Variants in NUMBL observed in about 807,000 individuals in gnomAD.
NUMBL encodes the protein NUMB like endocytic adaptor protein.
A neutral mutation model predicts 48.9 loss-of-function variants in NUMBL; 20 were observed. The ratio of observed to expected loss-of-function variants is 0.41; its 90% confidence interval spans 0.29 to 0.59. The LOEUF (loss-of-function observed/expected upper bound fraction) is 0.59. NUMBL is among the 20% of genes least tolerant of loss of function. The probability of loss-of-function intolerance (pLI) is 0.31; values close to 1 mark genes in which losing one functional copy is unlikely to be tolerated. For missense variants in NUMBL, 660 were observed against 846.2 expected, an observed-to-expected ratio of 0.78 and a Z score of 2.73; for synonymous variants, 340 against 348.7, an observed-to-expected ratio of 0.98 and a Z score of 0.28.
intron 3 of NUMBL, among the ~76,000 whole-genome samples, chr19:40,683,339 G>T (rs1247649539): frequency 6.6e-6 from 1 of 152,252 alleles, no homozygotes; most frequent in African/African-American, 2.4e-5. Context: ...TCCCCACAAT[G>T]ACTGAAGGGA....
Position 40,668,054 on chromosome 19 carries a change from C to A in NUMBL, c.1244G>T (p.Arg415Leu). The A allele has an allele frequency of 6.3e-7, 1 of 1,589,438 alleles. No homozygotes were observed. Among genetic ancestry groups the A allele is most frequent in the Non-Finnish European group, 8.6e-7 (1 of 1,168,568 alleles). ...GHKRTPSEAE[R>L]WLEEVSQVAK... ...CACCTGTGACACCTCCTCCAGCCATCGCTCAGCCTCTGAAGGTGTCCGCTT... is the reference window on the plus strand; with the variant it reads ...CACCTGTGACACCTCCTCCAGCCATAGCTCAGCCTCTGAAGGTGTCCGCTT... Residue 415 changes from arginine (R) to leucine (L), a missense_variant, in exon 10 of 10, where the codon CGA (arginine) becomes CTA (leucine). Transcript: ENST00000252891.
chr19:40,677,862 T>G (rs2081885839), intron 6 of NUMBL, among the ~76,000 whole-genome samples: 1 of 152,036 alleles, frequency 6.6e-6, no homozygotes, highest in African/African-American at 2.4e-5. Flanking sequence ...AAAGTCAGAA[T>G]AGTGGTAGTT....
intron 8 of NUMBL, 37 bp from the exon 9 acceptor site, chr19:40,670,057 C>T: frequency 1.2e-6 from 2 of 1,602,730 alleles, no homozygotes; most frequent in South Asian, 1.1e-5. Flanking sequence ...AGCAAACAGG[C>T]CCAGACCCTG....
intron 2 of NUMBL, 73 bp from the exon 3 acceptor site, chr19:40,684,629 G>A: frequency 1.3e-6 from 2 of 1,514,462 alleles, no homozygotes; most frequent in Non-Finnish European, 1.8e-6. Flanking sequence ...GGAGGGACCA[G>A]TGCTCAGGGA....
intron 7 of NUMBL, among the ~76,000 whole-genome samples, chr19:40,676,198 C>G (rs2081875225): frequency 6.6e-6 from 1 of 152,126 alleles, no homozygotes; most frequent in Non-Finnish European, 1.5e-5. Context: ...TGAGACCAGC[C>G]TGGGAAACAC....
At chr19:40,689,324 C>G (rs1024256738) in intron 1 of NUMBL, among the ~76,000 whole-genome samples, 2 of 152,098 alleles carry the variant, frequency 1.3e-5, no homozygotes, top group African/African-American at 4.8e-5. Flanking sequence ...CTAAAAAGTA[C>G]AGGATTCTGC....
At chr19:40,675,022 G>T (rs1441467978) in intron 7 of NUMBL, among the ~76,000 whole-genome samples, 2 of 151,502 alleles carry the variant, frequency 1.3e-5, no homozygotes, top group Non-Finnish European at 2.9e-5. Context: ...ACACGCCTGG[G>T]ATTCCAGCTA....
chr19:40,667,305 C>T lies in NUMBL; in HGVS notation c.*163G>A. On this transcript the variant is annotated 3_prime_UTR_variant, in exon 10 of 10. Coordinates refer to ENST00000252891, the MANE Select transcript of NUMBL (RefSeq NM_004756.5). The surrounding 1 kb of genome is among the most constrained non-coding windows in gnomAD (Gnocchi z 6.1). Reference sequence around the variant, plus strand: ...TTCCATCCTGTTGCAACCTGGGCGTCACAATGTTGGTTCTGTAGTGGTTGT... The same window carrying T: ...TTCCATCCTGTTGCAACCTGGGCGTTACAATGTTGGTTCTGTAGTGGTTGT... 1 of 1,034,302 alleles carries T rather than the reference C, an allele frequency of 9.7e-7. No individual in the cohort carries two copies. Among genetic ancestry groups the T allele is most frequent in the South Asian group, 1.7e-5 (1 of 59,414 alleles). 64.1% of individuals were successfully genotyped at this position (1,034,302 alleles called of 1,614,324 possible).
chr19:40,675,080 T>G (rs983225596), intron 7 of NUMBL, among the ~76,000 whole-genome samples: 1 of 137,618 alleles, frequency 7.3e-6, no homozygotes, highest in Non-Finnish European at 1.5e-5. Context: ...GAGGCAGAGG[T>G]TGCAGTGAGC....
intron 7 of NUMBL, among the ~76,000 whole-genome samples, chr19:40,676,727 T>TCGAAAAGCCC (rs1443532438): frequency 4.0e-5 from 6 of 150,460 alleles, no homozygotes; most frequent in African/African-American, 1.5e-4. Context: ...AAGAAAAGCC[T>TCGAAAAGCCC]CGAAAAGCCC....
rs2081908876 is a variant in NUMBL, at chr19:40,682,271, T to A, written c.399+457A>T. ...CCTCCCAAGTAGCTAGGATTACAGG[T>A]ACACACCACCATGTCCAGCTAATTT... On this transcript the variant is annotated intron_variant, in intron 5 of 9. Coordinates refer to ENST00000252891, the MANE Select transcript of NUMBL (RefSeq NM_004756.5). The surrounding 1 kb of genome is among the most constrained non-coding windows in gnomAD (Gnocchi z 4.0). Among the ~76,000 whole-genome samples the A allele has an allele frequency of 6.6e-6, 1 of 151,984 alleles. No individual in the cohort carries two copies. The highest frequency in any genetic ancestry group is 2.4e-5 in the African/African-American group (1 of 41,376).
At chr19:40,679,789 G>C (rs1403371149) in intron 6 of NUMBL, among the ~76,000 whole-genome samples, 1 of 152,130 alleles carries the variant, frequency 6.6e-6, no homozygotes, top group East Asian at 1.9e-4. Context: ...AGACAAAGCA[G>C]ATTAGTGGTT....
intron 2 of NUMBL, chr19:40,684,868 A>G (rs947088919): frequency 2.1e-5 from 7 of 334,232 alleles, no homozygotes; most frequent in Non-Finnish European, 1.7e-5. Context: ...CTTCTTGTCC[A>G]TGTGGTGGAT....
chr19:40,681,158 TG>T (rs1014886056), intron 5 of NUMBL, 101 bp from the exon 6 acceptor site: 1 of 1,336,670 alleles, frequency 7.5e-7, no homozygotes, highest in Non-Finnish European at 1.1e-6. Context: ...CTGAACAGGG[TG>T]GGGACCCAGC....
In NUMBL at chr19:40,673,993, G is replaced by C. The variant is rs879389008; in HGVS notation, c.731-344C>G. ...AACACTGATTTGGTGCTGGAACAAC[G>C]TATCAGGCATTGTTCCAGATGCTTT... On this transcript the variant is annotated intron_variant, in intron 7 of 9. Coordinates refer to ENST00000252891, the MANE Select transcript of NUMBL (RefSeq NM_004756.5). The surrounding 1 kb of genome is among the most constrained non-coding windows in gnomAD (Gnocchi z 5.9). Among the ~76,000 whole-genome samples, 2 of 152,082 alleles carry C rather than the reference G, an allele frequency of 1.3e-5. No homozygotes were observed. Among genetic ancestry groups the C allele is most frequent in the East Asian group, 3.9e-4 (2 of 5,182 alleles).
chr19:40,684,372 G>A (rs1346323639), intron 3 of NUMBL, 45 bp downstream of exon 3: 1 of 1,526,634 alleles, frequency 6.6e-7, no homozygotes, highest in Non-Finnish European at 8.8e-7. Context: ...CAGCACAGCG[G>A]CCCCCGTCCC....
rs569938209 is a variant in NUMBL, at chr19:40,686,776, G to A, written c.109+135C>T. ...GTGCATGAGTGGGGCTCTGACAGTC[G>A]CTGAGGAAGATGCCTGAGGGTGTCC... On this transcript the variant is annotated intron_variant, in intron 2 of 9. Transcript: ENST00000252891. 350 of 639,458 alleles carry A rather than the reference G, an allele frequency of 5.5e-4. No individual in the cohort carries two copies. The African/African-American group carries it at 5.7e-3, about 10-fold the overall frequency. 39.6% of individuals were successfully genotyped at this position (639,458 alleles called of 1,614,324 possible).
At position 40,667,963 on chromosome 19, in the gene NUMBL, CTGCTGT is replaced by C. The variant is rs1568425910; in HGVS notation, c.1329_1334del (p.Gln445_Gln446del). ...GCACTGGGGCCACTGAGGCTGCTTG[CTGCTGT>C]TGCTGCTGCTGCTGCTGCTGCTGTT... is the stretch of plus-strand genomic sequence containing the variant. On this transcript the variant is annotated inframe_deletion, in exon 10 of 10. Coordinates refer to ENST00000252891, the MANE Select transcript of NUMBL (RefSeq NM_004756.5). This position sits in a 1 kb window ranked among gnomAD's most constrained non-coding sequence, Gnocchi z 6.1. 4.3e-6 allele frequency: 6 copies of C among 1,407,340 alleles called. No homozygotes were observed. In the Admixed American group the frequency reaches 8.7e-5, roughly 20 times the overall value. The allele number at this position is 1,407,340 out of a possible 1,614,324, so 87.2% of individuals were successfully genotyped here.
intron 3 of NUMBL, chr19:40,683,999 C>G (rs2081919519): frequency 1.2e-5 from 2 of 173,440 alleles, no homozygotes; most frequent in South Asian, 1.1e-4. Flanking sequence ...CTCCTTGACT[C>G]AAGCAATCCT....
Sources: gnomAD v4.1 joint callset for allele counts (sites outside exome capture counted in the v4.1 genomes callset) on GRCh38, gnomAD v4.1.1 for gene constraint, Gnocchi (gnomAD v3.1) non-coding constraint, MANE v1.5 for transcripts, NCBI Gene and HGNC (gene_info 2026-07-23, HGNC 2026-07-21) for gene names.